Variants in ATXN10 observed in about 807,000 individuals in gnomAD.
The protein encoded by ATXN10 is ataxin-10.
Under a neutral mutation model 52.9 loss-of-function variants are expected in ATXN10, and 28 were observed. The observed-to-expected ratio is 0.53, with a 90% CI of 0.39 to 0.73. ATXN10 has a LOEUF of 0.73. Among genes scored for constraint, ATXN10 ranks in the 30% least tolerant of loss-of-function variants. The pLI is 0.00. For synonymous variants in ATXN10, 226 were observed against 221.5 expected (o/e 1.02, Z -0.18); for missense variants, 565 against 577.0 (o/e 0.98, Z 0.21).
chr22:45,725,757 A>G (rs117511721), intron 6 of ATXN10, among the ~76,000 whole-genome samples: 21,135 of 152,056 alleles, frequency 0.14, 1,824 homozygotes, highest in East Asian at 0.21. Context: ...CTTAGGGGCA[A>G]TGCTTTCATC....
chr22:45,717,628 A>G (rs887401021), intron 5 of ATXN10, among the ~76,000 whole-genome samples: 6 of 152,190 alleles, frequency 3.9e-5, no homozygotes, highest in African/African-American at 1.4e-4. Flanking sequence ...TGTAGTAGTT[A>G]ATATGCTTCA....
At chr22:45,799,674 A>G (rs988590331) in intron 9 of ATXN10, among the ~76,000 whole-genome samples, 1 of 152,214 alleles carries the variant, frequency 6.6e-6, no homozygotes, top group Admixed American at 6.5e-5. Context: ...TCTACCATCC[A>G]GAAGTGTAAA....
chr22:45,671,991 C>A lies in ATXN10; in HGVS notation c.-73C>A. 6.7e-7 allele frequency: 1 copy of A among 1,493,372 alleles called. No individual in the cohort carries two copies. The highest frequency in any genetic ancestry group is 1.2e-5 in the South Asian group (1 of 82,374). The allele number at this position is 1,493,372 out of a possible 1,614,324, so 92.5% of individuals were successfully genotyped here. On this transcript the variant is annotated 5_prime_UTR_variant, in exon 1 of 12. Transcript: ENST00000252934. ...CTCCTCGCCATCCTACTCCTCCCTC[C>A]TCGTCATCCTCCCCCTTCGTCCTCC...
intron 3 of ATXN10, among the ~76,000 whole-genome samples, chr22:45,697,204 G>A (rs932842168): frequency 3.9e-4 from 59 of 151,824 alleles, no homozygotes; most frequent in African/African-American, 1.4e-3. Context: ...GCACAATCTC[G>A]GCTCACTACA....
rs531478641 is a variant in ATXN10, at chr22:45,816,004, C to A, written c.1237+8982C>A. On this transcript the variant is annotated intron_variant, in intron 10 of 11. Coordinates refer to ENST00000252934, the MANE Select transcript of ATXN10 (RefSeq NM_013236.4). The surrounding 1 kb of genome is among the most constrained non-coding windows in gnomAD (Gnocchi z 5.8). ...GTGGCTCCTGCCTGTAATCCTAGCA[C>A]TTTGGGAGGCTGAGGTGTGTGCATC... is the stretch of plus-strand genomic sequence containing the variant. 1.3e-5 allele frequency among the ~76,000 whole-genome samples: 2 copies of A among 152,220 alleles called. No homozygotes were observed. The highest frequency in any genetic ancestry group is 4.8e-5 in the African/African-American group (2 of 41,532).
At chr22:45,714,077 C>T (rs908090717) in intron 5 of ATXN10, among the ~76,000 whole-genome samples, 10 of 152,158 alleles carry the variant, frequency 6.6e-5, no homozygotes, top group South Asian at 2.1e-4. Flanking sequence ...TGTCCTTCAT[C>T]GCTATTGTGC....
At chr22:45,729,843 C>T (rs1408896653) in intron 7 of ATXN10, 32 of 500,586 alleles carry the variant, frequency 6.4e-5, no homozygotes, top group Non-Finnish European at 9.5e-5. Context: ...TGCACACAGA[C>T]GTAGACATGT....
intron 9 of ATXN10, among the ~76,000 whole-genome samples, chr22:45,751,744 AAAAAAAAAAAT>A (rs1569049523): frequency 0.094 from 2,314 of 24,542 alleles, 52 homozygotes; most frequent in African/African-American, 0.26. Context: ...TTTCTGGAAA[AAAAAAAAAAAT>A]AAAAAAAAAA....
chr22:45,827,863 G>A (rs919478981), intron 10 of ATXN10, among the ~76,000 whole-genome samples: 5 of 152,200 alleles, frequency 3.3e-5, no homozygotes, highest in African/African-American at 7.2e-5. Flanking sequence ...CCAGGATAGA[G>A]TGTATATTAG....
intron 3 of ATXN10, among the ~76,000 whole-genome samples, chr22:45,697,652 GAC>G (rs1923666361): frequency 2.0e-5 from 3 of 151,612 alleles, no homozygotes; most frequent in South Asian, 2.1e-4. Context: ...ATTTTTTTGA[GAC>G]AGAGTCTCGC....
chr22:45,769,751 C>G lies in ATXN10; in HGVS notation c.1173+29213C>G, dbSNP rs1476661361. ...TCTTTTCTCTTGCCTTCTCGAGTAG[C>G]CTGACAAGATGTCTGCCAGGTGCTC... is the stretch of plus-strand genomic sequence containing the variant. On this transcript the variant is annotated intron_variant, in intron 9 of 11. Coordinates refer to ENST00000252934, the MANE Select transcript of ATXN10 (RefSeq NM_013236.4). This position sits in a 1 kb window ranked among gnomAD's most constrained non-coding sequence, Gnocchi z 4.2. Among the ~76,000 whole-genome samples, 1 of 152,066 alleles carries G rather than the reference C, an allele frequency of 6.6e-6. No individual in the cohort carries two copies. The highest frequency in any genetic ancestry group is 1.5e-5 in the Non-Finnish European group (1 of 68,006).
rs114607081 is a variant in ATXN10, at chr22:45,682,788, C to G, written c.117-6924C>G. 7.3e-3 allele frequency among the ~76,000 whole-genome samples: 1,105 copies of G among 152,286 alleles called. 8 individuals carry two copies. The highest frequency in any genetic ancestry group is 0.025 in the African/African-American group (1,045 of 41,562). ...GCTAAAGTTTTGATGTCATCCTTCA[C>G]TCCCCTTTTTTAGACACCCTCATAA... is the stretch of plus-strand genomic sequence containing the variant. On this transcript the variant is annotated intron_variant, in intron 1 of 11. Coordinates refer to ENST00000252934, the MANE Select transcript of ATXN10 (RefSeq NM_013236.4).
At chr22:45,751,750 AAAAATAAAAAAAAAATAAT>A (rs1201713108) in intron 9 of ATXN10, among the ~76,000 whole-genome samples, 5 of 70,138 alleles carry the variant, frequency 7.1e-5, no homozygotes, top group African/African-American at 2.5e-4. Flanking sequence ...GAAAAAAAAA[AAAAATAAAAAAAAAATAAT>A]AATAATAATA....
At position 45,787,251 on chromosome 22, in the gene ATXN10, AAAGAAGGGTC is replaced by A; in HGVS notation, c.1174-19706_1174-19697del. On this transcript the variant is annotated intron_variant, in intron 9 of 11. Transcript: ENST00000252934. The surrounding 1 kb of genome is among the most constrained non-coding windows in gnomAD (Gnocchi z 4.2). ...TCTCAGGGTTGGGGCTTGGCTCCTG[AAAGAAGGGTC>A]AGACCCTAGAGTGTTCAGCTGGGCT... Among the ~76,000 whole-genome samples, 1 of 152,296 alleles carries A rather than the reference AAAGAAGGGTC, an allele frequency of 6.6e-6. No homozygotes were observed. Among genetic ancestry groups the A allele is most frequent in the East Asian group, 1.9e-4 (1 of 5,182 alleles).
chr22:45,741,860 A>G (rs530756397), intron 9 of ATXN10, among the ~76,000 whole-genome samples: 1 of 152,298 alleles, frequency 6.6e-6, no homozygotes, highest in Admixed American at 6.5e-5. Context: ...GATGCTTGGA[A>G]GAAGGGAATG....
chr22:45,831,441 TCA>T (rs1329464668), intron 10 of ATXN10, among the ~76,000 whole-genome samples: 4 of 152,182 alleles, frequency 2.6e-5, no homozygotes, highest in Non-Finnish European at 5.9e-5. Context: ...CCTGTATGTC[TCA>T]GATCCTCATC....
Position 45,774,807 on chromosome 22 carries a change from C to A in ATXN10, c.1174-32152C>A, listed in dbSNP as rs1017759427. Among the ~76,000 whole-genome samples the A allele has an allele frequency of 6.6e-6, 1 of 152,166 alleles. No homozygotes were observed. Among genetic ancestry groups the A allele is most frequent in the African/African-American group, 2.4e-5 (1 of 41,432 alleles). On this transcript the variant is annotated intron_variant, in intron 9 of 11. Transcript: ENST00000252934. The surrounding 1 kb of genome is among the most constrained non-coding windows in gnomAD (Gnocchi z 6.2). ...AATTAGCTGAGTGTGGTGGCACGCG[C>A]CTGTAATCCCAGTTACTGGGGAGGC... is the stretch of plus-strand genomic sequence containing the variant.
intron 3 of ATXN10, among the ~76,000 whole-genome samples, chr22:45,697,534 AGATCTACCTACTCTGGATACTT>A (rs1923660754): frequency 6.6e-6 from 1 of 152,192 alleles, no homozygotes; most frequent in Non-Finnish European, 1.5e-5. Context: ...CTGTCTCTGT[AGATCTACCTACTCTGGATACTT>A]CATATAAATG....
rs1001232549 is a variant in ATXN10, at chr22:45,828,031, A to G, written c.1238-14960A>G. Among the ~76,000 whole-genome samples the G allele has an allele frequency of 3.9e-5, 6 of 152,152 alleles. No homozygotes were observed. The highest frequency in any genetic ancestry group is 1.2e-4 in the African/African-American group (5 of 41,442). On this transcript the variant is annotated intron_variant, in intron 10 of 11. Coordinates refer to ENST00000252934, the MANE Select transcript of ATXN10 (RefSeq NM_013236.4). The surrounding 1 kb of genome is among the most constrained non-coding windows in gnomAD (Gnocchi z 4.5). ...CATACTGTTAACCAGTAGATCAAAG[A>G]AGAAATCACAAGGGAAATTAGAAAA...
Sources: allele counts gnomAD v4.1 joint callset (sites outside exome capture counted in the v4.1 genomes callset), GRCh38; gene constraint gnomAD v4.1.1; non-coding constraint Gnocchi (gnomAD v3.1); transcripts MANE v1.5; gene names NCBI Gene and HGNC (gene_info 2026-07-23, HGNC 2026-07-21).